PSD3: variants seen among roughly 807,000 people sequenced by gnomAD.
PSD3 encodes the protein pleckstrin and Sec7 domain containing 3, also known as PH and SEC7 domain-containing protein 3.
Under a neutral mutation model 105.5 loss-of-function variants are expected in PSD3, and 49 were observed. The observed-to-expected ratio is 0.46, with a 90% CI of 0.37 to 0.59. The LOEUF is 0.59. Among genes scored for constraint, PSD3 ranks in the 20% least tolerant of loss-of-function variants. The pLI is 0.00. For synonymous variants in PSD3, 557 were observed against 457.8 expected, an observed-to-expected ratio of 1.22 and a Z score of -2.77; for missense variants, 1,561 against 1,263.8, an observed-to-expected ratio of 1.24 and a Z score of -3.57.
At chr8:19,034,086 A>C (rs1189186056) in intron 1 of PSD3, among the ~76,000 whole-genome samples, 1 of 152,178 alleles carries the variant, frequency 6.6e-6, no homozygotes, top group Non-Finnish European at 1.5e-5. Context: ...TTGAGAAAAA[A>C]ATCTCTATTT....
chr8:19,045,298 G>C (rs997482332), intron 1 of PSD3, among the ~76,000 whole-genome samples: 3 of 152,208 alleles, frequency 2.0e-5, no homozygotes. Context: ...AGTCAGTAAA[G>C]GGAAAATTTT....
At chr8:18,821,717 A>ACACACACACACACACACAC (rs1554513425) in intron 4 of PSD3, among the ~76,000 whole-genome samples, 1 of 141,116 alleles carries the variant, frequency 7.1e-6, no homozygotes, top group Non-Finnish European at 1.5e-5. Context: ...ACACACACAC[A>ACACACACACACACACACAC]CCCCAATAAC....
At chr8:18,928,978 G>A (rs1026169311) in intron 2 of PSD3, among the ~76,000 whole-genome samples, 2 of 152,046 alleles carry the variant, frequency 1.3e-5, no homozygotes, top group Admixed American at 6.6e-5. Flanking sequence ...CCACCAACAA[G>A]TCTTTTGTTT....
chr8:19,012,340 T>C lies in PSD3; in HGVS notation c.21+1223A>G, dbSNP rs535076216. Among the ~76,000 whole-genome samples, 4 of 152,354 alleles carry C rather than the reference T, an allele frequency of 2.6e-5. No individual in the cohort carries two copies. The South Asian group carries it at 8.3e-4, about 32-fold the overall frequency. On this transcript the variant is annotated intron_variant, in intron 1 of 15. Coordinates refer to ENST00000327040, the MANE Select transcript of PSD3 (RefSeq NM_015310.4). ...TGGTGATGTTGAGCATGTTGCACTT[T>C]TAACTGCTGAAGAGGAATTTCATGA...
chr8:18,951,905 G>C (rs1586509588), intron 1 of PSD3, among the ~76,000 whole-genome samples: 1 of 152,032 alleles, frequency 6.6e-6, no homozygotes, highest in East Asian at 1.9e-4. Flanking sequence ...GGAAGCGGAG[G>C]TTGCAGTGAG....
intron 2 of PSD3, among the ~76,000 whole-genome samples, chr8:18,916,707 T>A (rs1254696340): frequency 6.6e-6 from 1 of 151,894 alleles, no homozygotes; most frequent in Non-Finnish European, 1.5e-5. Context: ...CACTTGAAAA[T>A]TGCTAAAGGA....
intron 1 of PSD3, among the ~76,000 whole-genome samples, chr8:19,023,203 A>T (rs1827420764): frequency 6.6e-6 from 1 of 152,178 alleles, no homozygotes; most frequent in Non-Finnish European, 1.5e-5. Flanking sequence ...CACATTGTGA[A>T]TATTCAGGCA....
intron 11 of PSD3, among the ~76,000 whole-genome samples, chr8:18,624,539 G>T (rs982009993): frequency 1.0e-5 from 1 of 100,128 alleles, no homozygotes; most frequent in African/African-American, 4.0e-5. Flanking sequence ...ACTGTTGTGG[G>T]GTGGGGGGAG....
chr8:18,618,800 C>T (rs1190640415), intron 11 of PSD3, among the ~76,000 whole-genome samples: 2 of 152,106 alleles, frequency 1.3e-5, no homozygotes, highest in African/African-American at 2.4e-5. Context: ...CCCACCTTAG[C>T]CCCCTGACTA....
intron 6 of PSD3, 55 bp downstream of exon 6, chr8:18,804,467 T>C: frequency 7.0e-7 from 1 of 1,431,030 alleles, no homozygotes; most frequent in Non-Finnish European, 9.7e-7. Context: ...TACTTTCTTC[T>C]CTAAGAACTA....
In PSD3 at chr8:18,734,887, C is replaced by A. The variant is rs544608494; in HGVS notation, c.2172+30562G>T. On this transcript the variant is annotated intron_variant, in intron 9 of 15. Coordinates refer to ENST00000327040, the MANE Select transcript of PSD3 (RefSeq NM_015310.4). ...CTTCCAGAGAACAGCAATACCATTA[C>A]AAAGGCTTTCTGAATTAAAAACGAA... 8.5e-5 allele frequency among the ~76,000 whole-genome samples: 13 copies of A among 152,258 alleles called. No individual in the cohort carries two copies. In the East Asian group the frequency reaches 2.5e-3, roughly 29 times the overall value.
chr8:18,905,185 C>G (rs1269589864), intron 2 of PSD3, among the ~76,000 whole-genome samples: 1 of 152,162 alleles, frequency 6.6e-6, no homozygotes, highest in Non-Finnish European at 1.5e-5. Flanking sequence ...TCAGCATCCC[C>G]CCTAAGTTAC....
intron 10 of PSD3, among the ~76,000 whole-genome samples, chr8:18,633,571 C>T (rs563118725): frequency 2.1e-4 from 32 of 152,134 alleles, no homozygotes; most frequent in South Asian, 6.2e-4. Flanking sequence ...GCATCCATGC[C>T]GCTGCAAAGG....
intron 1 of PSD3, among the ~76,000 whole-genome samples, chr8:18,978,278 G>A (rs1013812663): frequency 3.3e-5 from 5 of 152,158 alleles, no homozygotes; most frequent in African/African-American, 4.8e-5. Context: ...AATCCATAAC[G>A]GACTCTGAGT....
At position 18,704,753 on chromosome 8, in the gene PSD3, T is replaced by C. The variant is rs1018509113; in HGVS notation, c.2173-49068A>G. On this transcript the variant is annotated intron_variant, in intron 9 of 15. Coordinates refer to ENST00000327040, the MANE Select transcript of PSD3 (RefSeq NM_015310.4). ...TCATTCTGCCTTCCTACAACATTCATGTCTTTGTCCAGCTTATGATTAAAA... is the reference window on the plus strand; with the variant it reads ...TCATTCTGCCTTCCTACAACATTCACGTCTTTGTCCAGCTTATGATTAAAA... Among the ~76,000 whole-genome samples, 15 of 152,294 alleles carry C rather than the reference T, an allele frequency of 9.8e-5. 1 individual carries two copies. The highest frequency in any genetic ancestry group is 3.3e-4 in the Admixed American group (5 of 15,288).
intron 4 of PSD3, among the ~76,000 whole-genome samples, chr8:18,819,723 C>T (rs894164425): frequency 1.3e-4 from 20 of 152,046 alleles, no homozygotes; most frequent in Admixed American, 3.3e-4. Context: ...GGACTGCAGG[C>T]GCCCACCACC....
At chr8:18,641,570 G>A (rs1807643609) in intron 10 of PSD3, among the ~76,000 whole-genome samples, 1 of 152,190 alleles carries the variant, frequency 6.6e-6, no homozygotes, top group Admixed American at 6.5e-5. Flanking sequence ...GTTGGGTGAT[G>A]GAAATGGGGT....
intron 9 of PSD3, among the ~76,000 whole-genome samples, chr8:18,752,356 G>A (rs906199017): frequency 3.4e-5 from 5 of 146,314 alleles, no homozygotes; most frequent in African/African-American, 1.3e-4. Flanking sequence ...GGCATACTGT[G>A]GCCAACAGGA....
At chr8:18,920,774 C>A in intron 2 of PSD3, among the ~76,000 whole-genome samples, 1 of 152,138 alleles carries the variant, frequency 6.6e-6, no homozygotes, top group East Asian at 1.9e-4. Context: ...GTCTAGCATG[C>A]CTCATCACCA....
Sources: allele counts gnomAD v4.1 joint callset (sites outside exome capture counted in the v4.1 genomes callset), GRCh38; gene constraint gnomAD v4.1.1; transcripts MANE v1.5; gene names NCBI Gene and HGNC (gene_info 2026-07-23, HGNC 2026-07-21).